Variants in ARB2A observed in about 807,000 individuals in gnomAD.
The protein encoded by ARB2A is cotranscriptional regulator ARB2A.
At chr5:93,924,998 A>G in the ARB2A span, among the ~76,000 whole-genome samples, 3 of 152,136 alleles carry the variant, frequency 2.0e-5, no homozygotes, top group South Asian at 2.1e-4. Flanking sequence ...TCTCCTGACT[A>G]ACTACCACCT....
At chr5:93,744,608 A>G in the ARB2A span, among the ~76,000 whole-genome samples, 1 of 152,166 alleles carries the variant, frequency 6.6e-6, no homozygotes, top group Non-Finnish European at 1.5e-5. Context: ...AGAAAAGCCC[A>G]TATTCTTAAG....
chr5:93,940,019 C>T, the ARB2A span, among the ~76,000 whole-genome samples: 4 of 151,966 alleles, frequency 2.6e-5, no homozygotes, highest in East Asian at 7.7e-4. Flanking sequence ...ATTAACTAGT[C>T]TTCTTCCAAA....
chr5:93,879,499 G>T, the ARB2A span, among the ~76,000 whole-genome samples: 2 of 73,244 alleles, frequency 2.7e-5, no homozygotes, highest in African/African-American at 6.2e-5. Context: ...AATGACAGGA[G>T]TCTAAAAGAG....
the ARB2A span, chr5:94,050,643 G>C: frequency 1.2e-6 from 1 of 868,898 alleles, no homozygotes; most frequent in East Asian, 2.7e-5. Flanking sequence ...TTTGTAGAAA[G>C]AGTGCATAAA....
the ARB2A span, among the ~76,000 whole-genome samples, chr5:93,685,748 A>G: frequency 5.0e-3 from 759 of 152,244 alleles, 6 homozygotes; most frequent in African/African-American, 0.017. Context: ...TTGCTCATCT[A>G]TCTAATCCAA....
the ARB2A span, among the ~76,000 whole-genome samples, chr5:93,796,025 T>A: frequency 2.6e-5 from 4 of 152,308 alleles, no homozygotes; most frequent in Admixed American, 1.3e-4. Flanking sequence ...AAATAAAGTA[T>A]GCAATCATCA....
chr5:93,919,983 C>A, the ARB2A span, among the ~76,000 whole-genome samples: 2 of 151,802 alleles, frequency 1.3e-5, no homozygotes, highest in Non-Finnish European at 2.9e-5. Flanking sequence ...TTATTTTTTT[C>A]TTGAGACTCT....
At chr5:93,805,143 G>C in the ARB2A span, 2 of 983,234 alleles carry the variant, frequency 2.0e-6, no homozygotes, top group African/African-American at 3.5e-5. Context: ...ATACAAACAT[G>C]GTAACTTCTA....
At chr5:93,698,745 T>C in the ARB2A span, among the ~76,000 whole-genome samples, 5 of 152,232 alleles carry the variant, frequency 3.3e-5, no homozygotes, top group Non-Finnish European at 5.9e-5. Flanking sequence ...ATTCATCCAA[T>C]AAATATTTAC....
chr5:93,816,628 TGTTCCA>T, the ARB2A span, among the ~76,000 whole-genome samples: 1 of 152,140 alleles, frequency 6.6e-6, no homozygotes, highest in African/African-American at 2.4e-5. Flanking sequence ...AAGAAAAACC[TGTTCCA>T]AAGGTAATTC....
the ARB2A span, among the ~76,000 whole-genome samples, chr5:93,810,403 G>T: frequency 6.6e-6 from 1 of 151,806 alleles, no homozygotes; most frequent in East Asian, 1.9e-4. Context: ...ATAATGGTTT[G>T]GTTTTGTTTT....
chr5:93,822,359 C>T, the ARB2A span, among the ~76,000 whole-genome samples: 1 of 152,146 alleles, frequency 6.6e-6, no homozygotes, highest in Non-Finnish European at 1.5e-5. Flanking sequence ...ACACACTGGT[C>T]ATCTGTTAAC....
At chr5:93,853,117 T>G in the ARB2A span, among the ~76,000 whole-genome samples, 1 of 139,798 alleles carries the variant, frequency 7.2e-6, no homozygotes, top group African/African-American at 2.7e-5. Flanking sequence ...TTTGTTTGTA[T>G]CCTCTTTTAT....
the ARB2A span, among the ~76,000 whole-genome samples, chr5:93,724,596 A>G: frequency 6.6e-6 from 1 of 152,064 alleles, no homozygotes; most frequent in African/African-American, 2.4e-5. Flanking sequence ...TGACTTTTCT[A>G]TCAATATATC....
At chr5:93,730,855 C>T in the ARB2A span, among the ~76,000 whole-genome samples, 15 of 152,026 alleles carry the variant, frequency 9.9e-5, no homozygotes, top group East Asian at 1.3e-3. Flanking sequence ...TGTCCTGCTC[C>T]GAAAATACAG....
the ARB2A span, among the ~76,000 whole-genome samples, chr5:93,773,557 C>T: frequency 6.6e-6 from 1 of 152,186 alleles, no homozygotes; most frequent in Admixed American, 6.5e-5. Context: ...TCTTGACCAA[C>T]TATAGTGCTT....
chr5:93,857,964 A>G, the ARB2A span, among the ~76,000 whole-genome samples: 4 of 152,182 alleles, frequency 2.6e-5, no homozygotes, highest in Non-Finnish European at 2.9e-5. Flanking sequence ...TAAATCTTTA[A>G]AGTGACTTCA....
At chr5:93,753,739 C>T in the ARB2A span, among the ~76,000 whole-genome samples, 2 of 152,258 alleles carry the variant, frequency 1.3e-5, no homozygotes, top group East Asian at 3.9e-4. Context: ...GCTGAAATAA[C>T]AGAAATGCCT....
At chr5:93,731,724 G>C in the ARB2A span, among the ~76,000 whole-genome samples, 2 of 152,156 alleles carry the variant, frequency 1.3e-5, no homozygotes, top group African/African-American at 4.8e-5. Flanking sequence ...CCTAGTCCTA[G>C]AAGATGGTCT....
Sources: gnomAD v4.1 joint callset for allele counts (sites outside exome capture counted in the v4.1 genomes callset) on GRCh38, gnomAD v4.1.1 for gene constraint, MANE v1.5 for transcripts, NCBI Gene and HGNC (gene_info 2026-07-23, HGNC 2026-07-21) for gene names.